The following KIF21A variants were observed in gnomAD, a reference collection of about 807,000 sequenced individuals.
The protein encoded by KIF21A is kinesin-like protein KIF21A.
A neutral mutation model predicts 202.9 loss-of-function variants in KIF21A; 114 were observed. The ratio of observed to expected loss-of-function variants is 0.56; its 90% confidence interval spans 0.48 to 0.66. KIF21A has a LOEUF of 0.66. Ranked by LOEUF, KIF21A falls within the 30% of genes least tolerant of loss-of-function variation. The pLI, the probability that KIF21A is intolerant of heterozygous loss-of-function variation, is 0.00. For synonymous variants in KIF21A, 667 were observed against 670.8 expected (o/e 0.99, Z 0.09); for missense variants, 1,677 against 1,994.9 (o/e 0.84, Z 3.04).
At position 39,294,258 on chromosome 12, in the gene KIF21A, T is replaced by G. The variant is rs529841446; in HGVS notation, c.*166A>C. On this transcript the variant is annotated 3_prime_UTR_variant, in exon 38 of 38. Coordinates refer to ENST00000361418, the MANE Select transcript of KIF21A (RefSeq NM_001173464.2). ...TCTTAAAACTAAGCACACAGGATAGTACACAATTTTATTAGAATACCATTT... is the reference window on the plus strand; with the variant it reads ...TCTTAAAACTAAGCACACAGGATAGGACACAATTTTATTAGAATACCATTT... The G allele has an allele frequency of 3.2e-6, 2 of 623,184 alleles. No homozygotes were observed. Among genetic ancestry groups the G allele is most frequent in the East Asian group, 5.8e-5 (2 of 34,288 alleles). 38.6% of individuals were successfully genotyped at this position (623,184 alleles called of 1,614,324 possible). A position where few individuals can be genotyped will look rare whatever the true frequency, so the allele number is the denominator to read the frequency against.
At chr12:39,390,181 T>G (rs1180710594) in intron 1 of KIF21A, among the ~76,000 whole-genome samples, 3 of 152,162 alleles carry the variant, frequency 2.0e-5, no homozygotes, top group African/African-American at 4.8e-5. Flanking sequence ...TGGAAACTAT[T>G]CAAAATGGCA....
chr12:39,296,383 T>TA (rs979413939), intron 37 of KIF21A, among the ~76,000 whole-genome samples: 40 of 151,810 alleles, frequency 2.6e-4, no homozygotes, highest in African/African-American at 8.5e-4. Context: ...TATGCTGTTT[T>TA]AAAAAAAACA....
chr12:39,440,581 T>C (rs958408210), intron 1 of KIF21A, among the ~76,000 whole-genome samples: 10 of 152,352 alleles, frequency 6.6e-5, no homozygotes, highest in African/African-American at 2.2e-4. Flanking sequence ...GACGGGTATA[T>C]ATCTTCAATA....
At chr12:39,325,644 G>T (rs1265766075) in intron 26 of KIF21A, among the ~76,000 whole-genome samples, 195 bp downstream of exon 26, 3 of 151,478 alleles carry the variant, frequency 2.0e-5, no homozygotes, top group Admixed American at 6.6e-5. Flanking sequence ...TCTGGCCAGA[G>T]AAATTTTTTA....
At chr12:39,387,472 T>C (rs963536865) in intron 1 of KIF21A, among the ~76,000 whole-genome samples, 5 of 152,154 alleles carry the variant, frequency 3.3e-5, no homozygotes, top group African/African-American at 9.7e-5. Context: ...AAGATCTTTT[T>C]CTACTGCCAG....
chr12:39,353,922 T>G (rs1457632861), intron 10 of KIF21A, among the ~76,000 whole-genome samples: 1 of 152,098 alleles, frequency 6.6e-6, no homozygotes, highest in Non-Finnish European at 1.5e-5. Context: ...GCATTTCATT[T>G]AATAGAGACT....
Position 39,330,864 on chromosome 12 carries a change from A to T in KIF21A, c.3201T>A (p.Gly1067=), listed in dbSNP as rs1946447086. Residue 1067 remains glycine, a synonymous_variant, in exon 23 of 38, where the codon GGT becomes GGA. Coordinates refer to ENST00000361418, the MANE Select transcript of KIF21A (RefSeq NM_001173464.2). Reference sequence around the variant, plus strand: ...TGGTTATTTCTGTTTGTTTGAGTCGACCTTCCAGTACTTTAATTTGAGCCT... The same window carrying T: ...TGGTTATTTCTGTTTGTTTGAGTCGTCCTTCCAGTACTTTAATTTGAGCCT... The part of the protein sequence containing the change: ...QKEAQIKVLE[G]RLKQTEITSA... The T allele has an allele frequency of 1.2e-6, 2 of 1,613,996 alleles. No homozygotes were observed. The highest frequency in any genetic ancestry group is 4.5e-5 in the East Asian group (2 of 44,870).
At chr12:39,305,427 C>CG (rs1402300174) in intron 34 of KIF21A, among the ~76,000 whole-genome samples, 1 of 150,646 alleles carries the variant, frequency 6.6e-6, no homozygotes, top group African/African-American at 2.4e-5. Context: ...GGCTGAAGTG[C>CG]GGTGGCTATT....
rs557662414 is a variant in KIF21A, at chr12:39,425,541, TGGA to T, written c.44+17383_44+17385del. ...TGCTTTTGAGTAATTCACAATGAAT[TGGA>T]GGAGGAATAAAAAACCAACATAAGC... On this transcript the variant is annotated intron_variant, in intron 1 of 37. Coordinates refer to ENST00000361418, the MANE Select transcript of KIF21A (RefSeq NM_001173464.2). Among the ~76,000 whole-genome samples, 87 of 152,178 alleles carry T rather than the reference TGGA, an allele frequency of 5.7e-4. 1 individual carries two copies. Among genetic ancestry groups the T allele is most frequent in the Non-Finnish European group, 9.6e-4 (65 of 68,002 alleles).
chr12:39,400,131 C>T (rs1952053102), intron 1 of KIF21A, among the ~76,000 whole-genome samples: 1 of 152,164 alleles, frequency 6.6e-6, no homozygotes, highest in African/African-American at 2.4e-5. Flanking sequence ...ATCCCTAGTC[C>T]TAAGGCTTTA....
intron 1 of KIF21A, among the ~76,000 whole-genome samples, chr12:39,414,559 G>C (rs1283235086): frequency 6.6e-6 from 1 of 152,174 alleles, no homozygotes; most frequent in Non-Finnish European, 1.5e-5. Context: ...GACAATTAGG[G>C]AGTCCCAGAA....
At position 39,309,592 on chromosome 12, in the gene KIF21A, G is replaced by C; in HGVS notation, c.4271C>G (p.Thr1424Arg). 1 of 1,607,480 alleles carries C rather than the reference G, an allele frequency of 6.2e-7. No homozygotes were observed. The highest frequency in any genetic ancestry group is 1.1e-5 in the South Asian group (1 of 90,946). Reference sequence around the variant, plus strand: ...ATGTCTTCAAGTTACTTACGTTAGTGTTCGAATGCACTTTGCTGAATCTCT... The same window carrying C: ...ATGTCTTCAAGTTACTTACGTTAGTCTTCGAATGCACTTTGCTGAATCTCT... Reference protein sequence around the residue: ...DIRDSAKCIRTLTSSGQVTLG... With the variant: ...DIRDSAKCIRRLTSSGQVTLG... The change falls in exon 33 of 38, where the codon ACA (threonine) becomes AGA (arginine). Residue 1424 changes from threonine to arginine, a missense_variant. Thr to Arg is a moderately conservative substitution (Grantham distance 71). This residue lies in a region of KIF21A where 705 missense variants were observed against 791.9 expected (regional missense o/e 0.89). Coordinates refer to ENST00000361418, the MANE Select transcript of KIF21A (RefSeq NM_001173464.2).
At chr12:39,304,656 T>C (rs1943282754) in intron 35 of KIF21A, among the ~76,000 whole-genome samples, 165 bp downstream of exon 35, 2 of 151,372 alleles carry the variant, frequency 1.3e-5, no homozygotes, top group South Asian at 4.2e-4. Flanking sequence ...GATTGAACAA[T>C]AAGACAACAA....
chr12:39,387,507 A>G (rs945026198), intron 1 of KIF21A, among the ~76,000 whole-genome samples: 3 of 152,186 alleles, frequency 2.0e-5, no homozygotes, highest in African/African-American at 7.2e-5. Context: ...TGATTCCCAC[A>G]TACAGGATTT....
At chr12:39,341,363 T>C (rs1947427665) in intron 14 of KIF21A, 142 bp downstream of exon 14, 1 of 775,020 alleles carries the variant, frequency 1.3e-6, no homozygotes, top group Non-Finnish European at 2.1e-6. Flanking sequence ...GTTTAGCACA[T>C]AAGCCTTGGA....
chr12:39,326,029 T>G, intron 25 of KIF21A, 136 bp from the exon 26 acceptor site: 2 of 702,368 alleles, frequency 2.8e-6, no homozygotes, highest in Non-Finnish European at 4.8e-6. Flanking sequence ...AAAGTCAAAA[T>G]GAATTAATTT....
intron 1 of KIF21A, among the ~76,000 whole-genome samples, chr12:39,417,672 G>A (rs1056702080): frequency 2.6e-5 from 4 of 152,028 alleles, no homozygotes; most frequent in Admixed American, 1.3e-4. Context: ...TTTGCTCCAT[G>A]GAATGCTCAT....
intron 1 of KIF21A, among the ~76,000 whole-genome samples, chr12:39,410,170 G>A (rs1441808563): frequency 1.3e-5 from 2 of 152,154 alleles, no homozygotes; most frequent in Non-Finnish European, 2.9e-5. Flanking sequence ...CCTGAGCCCA[G>A]GAATGCAAGA....
At chr12:39,387,055 G>T (rs1313630306) in intron 1 of KIF21A, among the ~76,000 whole-genome samples, 2 of 151,032 alleles carry the variant, frequency 1.3e-5, no homozygotes, top group Admixed American at 1.3e-4. Flanking sequence ...AGAATTTTTA[G>T]CTGGGGAAAA....
Sources: allele counts gnomAD v4.1 joint callset (sites outside exome capture counted in the v4.1 genomes callset), GRCh38; gene constraint gnomAD v4.1.1; regional missense constraint gnomAD v4.1.1; transcripts MANE v1.5; gene names NCBI Gene and HGNC (gene_info 2026-07-23, HGNC 2026-07-21).